Variants in ARHGAP10 observed in about 807,000 individuals in gnomAD.
The protein encoded by ARHGAP10 is rho GTPase-activating protein 10.
Under a neutral mutation model 108.6 loss-of-function variants are expected in ARHGAP10, and 87 were observed. The ratio of observed to expected loss-of-function variants is 0.80; its 90% CI spans 0.67 to 0.96. The LOEUF (loss-of-function observed/expected upper bound fraction) is 0.96. ARHGAP10 is among the 40% of genes least tolerant of loss of function. The pLI, the probability that ARHGAP10 is intolerant of heterozygous loss-of-function variation, is 0.00. For synonymous variants in ARHGAP10, 347 were observed against 341.1 expected (o/e 1.02, Z -0.19); for missense variants, 939 against 954.5 (o/e 0.98, Z 0.21).
chr4:147,734,461 T>G (rs981427307), intron 1 of ARHGAP10, among the ~76,000 whole-genome samples: 1 of 152,192 alleles, frequency 6.6e-6, no homozygotes, highest in Non-Finnish European at 1.5e-5. Flanking sequence ...TGTCTTTTTT[T>G]CTCGTTATGT....
In ARHGAP10 at chr4:147,906,659, G is replaced by A. The variant is rs1197491775; in HGVS notation, c.1056G>A (p.Met352Ile). 6.2e-7 allele frequency: 1 copy of A among 1,614,130 alleles called. No homozygotes were observed. The highest frequency in any genetic ancestry group is 1.7e-5 in the Admixed American group (1 of 60,014). ...TCAGGCCTGGCGTTTCCTTGACCATGCAGGCATTTTCCGAAGAGGAAAGGA... is the reference window on the plus strand; with the variant it reads ...TCAGGCCTGGCGTTTCCTTGACCATACAGGCATTTTCCGAAGAGGAAAGGA... ...AADRPGVSLT[M>I]QAFSEEERKQ... The change falls in exon 11 of 23, where the codon ATG (methionine) becomes ATA (isoleucine). Residue 352 changes from methionine (M) to isoleucine (I), a missense_variant. By Grantham distance (10) the Met-to-Ile change is conservative. Coordinates refer to ENST00000336498, the MANE Select transcript of ARHGAP10 (RefSeq NM_024605.4).
intron 5 of ARHGAP10, chr4:147,862,226 C>G (rs1286443887): frequency 1.3e-5 from 2 of 152,540 alleles, no homozygotes; most frequent in Non-Finnish European, 2.9e-5. Context: ...GCATGCATAC[C>G]CGGCTGGGTG....
At chr4:147,994,397 T>G (rs1293377316) in intron 18 of ARHGAP10, among the ~76,000 whole-genome samples, 1 of 152,182 alleles carries the variant, frequency 6.6e-6, no homozygotes, top group Non-Finnish European at 1.5e-5. Flanking sequence ...ACAGCTGGTG[T>G]GGTGTTTGTC....
At chr4:147,904,282 G>T (rs1345023098) in intron 10 of ARHGAP10, among the ~76,000 whole-genome samples, 4 of 152,042 alleles carry the variant, frequency 2.6e-5, no homozygotes, top group South Asian at 4.2e-4. Context: ...TGCACAATGT[G>T]CAGGTTAGTT....
At chr4:147,949,320 G>A (rs1375159451) in intron 15 of ARHGAP10, among the ~76,000 whole-genome samples, 1 of 152,218 alleles carries the variant, frequency 6.6e-6, no homozygotes, top group Non-Finnish European at 1.5e-5. Flanking sequence ...TCTAGGATAA[G>A]AATTTAAGTT....
chr4:147,776,398 T>G (rs1730292169), intron 1 of ARHGAP10, among the ~76,000 whole-genome samples: 1 of 152,046 alleles, frequency 6.6e-6, no homozygotes, highest in Admixed American at 6.5e-5. Flanking sequence ...TTTTGTATTT[T>G]TAGTAGAGAT....
chr4:147,798,965 C>T (rs537632240), intron 1 of ARHGAP10, among the ~76,000 whole-genome samples: 6 of 151,394 alleles, frequency 4.0e-5, no homozygotes, highest in African/African-American at 1.5e-4. Context: ...TTTTCTTTGT[C>T]TTTAGTTTTC....
intron 5 of ARHGAP10, among the ~76,000 whole-genome samples, chr4:147,859,147 A>G (rs1482226262): frequency 6.6e-6 from 1 of 152,142 alleles, no homozygotes; most frequent in African/African-American, 2.4e-5. Flanking sequence ...ACAGGGATCC[A>G]TGTGTCTCAA....
At chr4:147,849,080 G>A (rs1733752337) in intron 4 of ARHGAP10, among the ~76,000 whole-genome samples, 1 of 152,126 alleles carries the variant, frequency 6.6e-6, no homozygotes, top group Non-Finnish European at 1.5e-5. Context: ...TGAAGAGCCC[G>A]TCATTGTAGG....
intron 1 of ARHGAP10, among the ~76,000 whole-genome samples, chr4:147,784,072 T>C (rs1428948633): frequency 1.4e-5 from 2 of 142,280 alleles, no homozygotes; most frequent in African/African-American, 5.0e-5. Flanking sequence ...CATTAAATTG[T>C]GTATTATATA....
intron 10 of ARHGAP10, among the ~76,000 whole-genome samples, chr4:147,884,404 T>G (rs1735457615): frequency 6.6e-6 from 1 of 152,172 alleles, no homozygotes; most frequent in Admixed American, 6.5e-5. Flanking sequence ...TCAAGTACTT[T>G]ATAGGGAGAC....
At chr4:147,914,605 T>C (rs1463098787) in intron 13 of ARHGAP10, among the ~76,000 whole-genome samples, 1 of 128,352 alleles carries the variant, frequency 7.8e-6, no homozygotes, top group African/African-American at 2.9e-5. Context: ...TTTGTACAAA[T>C]GGAATCATGC....
chr4:147,983,941 A>G (rs1375100687), intron 18 of ARHGAP10, among the ~76,000 whole-genome samples: 1 of 150,846 alleles, frequency 6.6e-6, no homozygotes, highest in Non-Finnish European at 1.5e-5. Flanking sequence ...CTTTTTTTTG[A>G]TTTTGTTATT....
intron 1 of ARHGAP10, among the ~76,000 whole-genome samples, chr4:147,793,742 C>T (rs138514640): frequency 8.3e-4 from 127 of 152,264 alleles, no homozygotes; most frequent in African/African-American, 2.9e-3. Flanking sequence ...TCTGCTGAGG[C>T]GCCTTGCAGA....
chr4:147,980,225 G>A (rs931761218), intron 18 of ARHGAP10, among the ~76,000 whole-genome samples: 1 of 151,538 alleles, frequency 6.6e-6, no homozygotes, highest in African/African-American at 2.4e-5. Flanking sequence ...CTAGTTTGTT[G>A]GTTTTTTTCT....
chr4:147,976,107 A>G (rs1225022727), intron 18 of ARHGAP10, among the ~76,000 whole-genome samples: 1 of 152,178 alleles, frequency 6.6e-6, no homozygotes, highest in African/African-American at 2.4e-5. Flanking sequence ...CCTCTTCCGT[A>G]GGTTGGTCTC....
intron 8 of ARHGAP10, 95 bp downstream of exon 8, chr4:147,875,245 A>G (rs892920534): frequency 1.5e-6 from 2 of 1,332,632 alleles, no homozygotes; most frequent in Admixed American, 3.0e-5. Context: ...ATTTTGGGCA[A>G]TTATTCCTAC....
intron 12 of ARHGAP10, among the ~76,000 whole-genome samples, chr4:147,910,787 G>A (rs1736698842): frequency 6.6e-6 from 1 of 151,976 alleles, no homozygotes; most frequent in Admixed American, 6.6e-5. Flanking sequence ...TCCACAGTTT[G>A]TAAACACTGT....
intron 12 of ARHGAP10, 92 bp downstream of exon 12, chr4:147,909,869 C>G (rs1736663969): frequency 8.1e-7 from 1 of 1,237,646 alleles, no homozygotes; most frequent in Non-Finnish European, 1.2e-6. Context: ...TGGGAGCTTA[C>G]TCTCTGCACC....
Sources: gnomAD v4.1 joint callset for allele counts (sites outside exome capture counted in the v4.1 genomes callset) on GRCh38, gnomAD v4.1.1 for gene constraint, MANE v1.5 for transcripts, NCBI Gene and HGNC (gene_info 2026-07-23, HGNC 2026-07-21) for gene names.